The following OSBPL6 variants were observed in gnomAD, a reference collection of about 807,000 sequenced individuals.
OSBPL6 encodes oxysterol-binding protein-related protein 6.
Under a neutral mutation model 125.8 loss-of-function variants are expected in OSBPL6, and 49 were observed. The observed-to-expected ratio is 0.39, with a 90% CI of 0.31 to 0.49. OSBPL6 has a LOEUF of 0.49. Among genes scored for constraint, OSBPL6 ranks in the 20% least tolerant of loss-of-function variants. The probability of loss-of-function intolerance (pLI) is 0.88; values close to 1 mark genes in which losing one functional copy is unlikely to be tolerated. For missense variants in OSBPL6, 986 were observed against 1,135.4 expected, an observed-to-expected ratio of 0.87 and a Z score of 1.89; for synonymous variants, 394 against 391.8, an observed-to-expected ratio of 1.01 and a Z score of -0.07.
intron 1 of OSBPL6, among the ~76,000 whole-genome samples, chr2:178,250,786 C>G (rs1180922804): frequency 1.3e-5 from 2 of 152,070 alleles, no homozygotes; most frequent in Non-Finnish European, 2.9e-5. Flanking sequence ...CTCACAGATC[C>G]TGCTCTGTAC....
At chr2:178,383,312 G>C (rs1255518642) in intron 17 of OSBPL6, 35 bp downstream of exon 17, 2 of 1,602,732 alleles carry the variant, frequency 1.2e-6, no homozygotes, top group Non-Finnish European at 1.7e-6. Context: ...GCCCCTCAGG[G>C]ATTTGCCAAC....
intron 11 of OSBPL6, among the ~76,000 whole-genome samples, chr2:178,346,588 C>A (rs780958430): frequency 1.3e-5 from 2 of 152,150 alleles, no homozygotes; most frequent in Non-Finnish European, 2.9e-5. Flanking sequence ...TTCTTTCCTG[C>A]GCAGGGTAGA....
At chr2:178,262,225 A>G (rs1417969603) in intron 1 of OSBPL6, among the ~76,000 whole-genome samples, 2 of 152,190 alleles carry the variant, frequency 1.3e-5, no homozygotes, top group Non-Finnish European at 2.9e-5. Context: ...TTGCTTTGCT[A>G]AAAAATCTCT....
chr2:178,285,687 T>G (rs928453465), intron 2 of OSBPL6, among the ~76,000 whole-genome samples: 1 of 152,222 alleles, frequency 6.6e-6, no homozygotes, highest in African/African-American at 2.4e-5. Flanking sequence ...CTATTTGATA[T>G]CTTAGGCCTA....
intron 1 of OSBPL6, among the ~76,000 whole-genome samples, chr2:178,241,624 C>T (rs1333783914): frequency 6.6e-6 from 1 of 152,044 alleles, no homozygotes; most frequent in East Asian, 1.9e-4. Flanking sequence ...CCATGTTGGC[C>T]AGGCTGGTCT....
chr2:178,224,539 C>A (rs892651837), intron 1 of OSBPL6, among the ~76,000 whole-genome samples: 62 of 152,280 alleles, frequency 4.1e-4, no homozygotes, highest in African/African-American at 1.3e-3. Context: ...TGAGTAAATC[C>A]TGTGTCCAGA....
intron 13 of OSBPL6, among the ~76,000 whole-genome samples, chr2:178,366,143 C>T (rs1241386064): frequency 2.6e-5 from 4 of 152,222 alleles, no homozygotes; most frequent in Non-Finnish European, 4.4e-5. Flanking sequence ...CCTCCCACCT[C>T]GGACTCCCGA....
At chr2:178,345,021 G>T (rs1404439207) in intron 11 of OSBPL6, among the ~76,000 whole-genome samples, 3 of 152,160 alleles carry the variant, frequency 2.0e-5, no homozygotes, top group Admixed American at 2.0e-4. Flanking sequence ...TGGATTTAAG[G>T]AGAGTAGAGA....
At chr2:178,383,324 C>T (rs760910020) in intron 17 of OSBPL6, 47 bp downstream of exon 17, 4 of 1,588,622 alleles carry the variant, frequency 2.5e-6, no homozygotes, top group Non-Finnish European at 2.6e-6. Context: ...TTTGCCAACC[C>T]TAGACCTGGG....
intron 13 of OSBPL6, among the ~76,000 whole-genome samples, chr2:178,369,135 C>G (rs1693138236): frequency 6.6e-6 from 1 of 152,102 alleles, no homozygotes. Context: ...AGATTTATCT[C>G]TTTTGCTCCC....
intron 11 of OSBPL6, among the ~76,000 whole-genome samples, chr2:178,348,694 C>T (rs1346241206): frequency 6.6e-6 from 1 of 152,106 alleles, no homozygotes; most frequent in Non-Finnish European, 1.5e-5. Context: ...AAGTCAGTTT[C>T]CAAAATAAGT....
intron 12 of OSBPL6, among the ~76,000 whole-genome samples, chr2:178,354,622 C>T (rs532057632): frequency 6.6e-6 from 1 of 152,240 alleles, no homozygotes; most frequent in East Asian, 1.9e-4. Flanking sequence ...GATTTAGACT[C>T]CCACACAATA....
intron 1 of OSBPL6, among the ~76,000 whole-genome samples, chr2:178,230,101 G>A (rs527456054): frequency 6.6e-6 from 1 of 152,320 alleles, no homozygotes; most frequent in Non-Finnish European, 1.5e-5. Context: ...AAGGTTGGGT[G>A]CTGGGGAGAG....
In OSBPL6 at chr2:178,379,275, G is replaced by GA. The variant is rs1259653312; in HGVS notation, c.1534-3142dup. On this transcript the variant is annotated intron_variant, in intron 15 of 24. Coordinates refer to ENST00000190611, the MANE Select transcript of OSBPL6 (RefSeq NM_032523.4). Reference sequence around the variant, plus strand: ...AGAAAGAAAAACAAAGAAAGAGAAAGAAAGAAAGAAAAGAAAGAAAGAAGA... The same window carrying GA: ...AGAAAGAAAAACAAAGAAAGAGAAAGAAAAGAAAGAAAAGAAAGAAAGAAGA... Among the ~76,000 whole-genome samples, 217 of 130,986 alleles carry GA rather than the reference G, an allele frequency of 1.7e-3. 1 individual carries two copies. Among genetic ancestry groups the GA allele is most frequent in the African/African-American group, 5.7e-3 (202 of 35,478 alleles). The allele number at this position is 130,986 out of a possible 152,430, so 85.9% of individuals were successfully genotyped here.
intron 3 of OSBPL6, among the ~76,000 whole-genome samples, chr2:178,307,286 A>C (rs1270525558): frequency 6.6e-6 from 1 of 152,140 alleles, no homozygotes; most frequent in Admixed American, 6.5e-5. Context: ...CGATAGTGCA[A>C]GTACACTGCT....
At chr2:178,233,447 G>T (rs1282775137) in intron 1 of OSBPL6, among the ~76,000 whole-genome samples, 1 of 152,182 alleles carries the variant, frequency 6.6e-6, no homozygotes, top group Non-Finnish European at 1.5e-5. Flanking sequence ...CCATCTGAGA[G>T]TAGGACCCCT....
chr2:178,269,050 T>C (rs1170374744), intron 1 of OSBPL6, among the ~76,000 whole-genome samples: 1 of 152,224 alleles, frequency 6.6e-6, no homozygotes, highest in East Asian at 1.9e-4. Context: ...TTTGCATAGC[T>C]CTTGTTCTCC....
At chr2:178,225,294 C>T (rs954587241) in intron 1 of OSBPL6, among the ~76,000 whole-genome samples, 2 of 151,902 alleles carry the variant, frequency 1.3e-5, no homozygotes, top group Non-Finnish European at 2.9e-5. Flanking sequence ...CTGTGACTCA[C>T]TGCTGAAATA....
chr2:178,213,996 G>T (rs1002938027), intron 1 of OSBPL6, among the ~76,000 whole-genome samples: 3 of 152,018 alleles, frequency 2.0e-5, no homozygotes, highest in African/African-American at 7.3e-5. Flanking sequence ...GTATTTCCCA[G>T]CACTCATTAT....
Sources: gnomAD v4.1 joint callset for allele counts (sites outside exome capture counted in the v4.1 genomes callset) on GRCh38, gnomAD v4.1.1 for gene constraint, MANE v1.5 for transcripts, NCBI Gene and HGNC (gene_info 2026-07-23, HGNC 2026-07-21) for gene names.